The following BPIFC variants were observed in gnomAD, a reference collection of about 807,000 sequenced individuals.
BPIFC encodes BPI fold-containing family C protein.
In BPIFC, 60 loss-of-function variants were observed where a neutral mutation model predicts 57.6. The ratio of observed to expected loss-of-function variants is 1.04; its 90% CI spans 0.85 to 1.29. The LOEUF (loss-of-function observed/expected upper bound fraction) is 1.29. Among genes scored for constraint, BPIFC ranks in the 50% most tolerant of loss-of-function variants. The probability of loss-of-function intolerance (pLI) is 0.00; values close to 1 mark genes in which losing one functional copy is unlikely to be tolerated. For synonymous variants in BPIFC, 243 were observed against 224.5 expected, an observed-to-expected ratio of 1.08 and a Z score of -0.74; for missense variants, 581 against 600.5, an observed-to-expected ratio of 0.97 and a Z score of 0.34.
intron 11 of BPIFC, among the ~76,000 whole-genome samples, chr22:32,433,474 T>C (rs908709906): frequency 6.6e-6 from 1 of 152,238 alleles, no homozygotes; most frequent in Non-Finnish European, 1.5e-5. Flanking sequence ...TCAAGTATGA[T>C]GGAATATTGT....
At chr22:32,448,074 C>CTT (rs752136687) in intron 4 of BPIFC, among the ~76,000 whole-genome samples, 6 of 143,034 alleles carry the variant, frequency 4.2e-5, no homozygotes, top group South Asian at 4.4e-4. Flanking sequence ...TTTCTTTTTT[C>CTT]TTTTTTTTTT....
intron 4 of BPIFC, among the ~76,000 whole-genome samples, chr22:32,447,855 T>C (rs1439382669): frequency 6.6e-6 from 1 of 152,062 alleles, no homozygotes; most frequent in Non-Finnish European, 1.5e-5. Flanking sequence ...GCAAGCCTCC[T>C]GTTTCAGCCT....
At chr22:32,421,067 A>G (rs529523038) in intron 13 of BPIFC, among the ~76,000 whole-genome samples, 104 of 152,272 alleles carry the variant, frequency 6.8e-4, no homozygotes, top group African/African-American at 2.5e-3. Context: ...TGTAGGTCCA[A>G]GTAGAAGGGA....
chr22:32,437,681 G>C, intron 9 of BPIFC, 79 bp downstream of exon 9: 1 of 1,064,900 alleles, frequency 9.4e-7, no homozygotes, highest in South Asian at 1.3e-5. Flanking sequence ...GTGAGGCACC[G>C]TGCCCAGTCC....
At position 32,461,614 on chromosome 22, in the gene BPIFC, G is replaced by C; in HGVS notation, c.-41C>G. On this transcript the variant is annotated 5_prime_UTR_variant, in exon 2 of 17. Transcript: ENST00000300399. ...GATCCAGCTGATCTTCTGCTGTGCT[G>C]GGCCTTTCTTGATCCTTTAGTTGCC... 8 of 985,556 alleles carry C rather than the reference G, an allele frequency of 8.1e-6. No homozygotes were observed. Among genetic ancestry groups the C allele is most frequent in the Non-Finnish European group, 9.6e-6 (8 of 830,046 alleles). The allele number at this position is 985,556 out of a possible 1,614,324, so 61.1% of individuals were successfully genotyped here. A position where few individuals can be genotyped will look rare whatever the true frequency, so the allele number is the denominator to read the frequency against.
At chr22:32,432,026 T>C (rs1023115484) in intron 12 of BPIFC, among the ~76,000 whole-genome samples, 1 of 151,946 alleles carries the variant, frequency 6.6e-6, no homozygotes, top group African/African-American at 2.4e-5. Context: ...CTCAAACTCC[T>C]GGGTTCAGAG....
At chr22:32,418,200 T>C (rs1169117482) in intron 14 of BPIFC, among the ~76,000 whole-genome samples, 1 of 152,236 alleles carries the variant, frequency 6.6e-6, no homozygotes, top group Non-Finnish European at 1.5e-5. Context: ...GCTAATCCTT[T>C]CAACAACCCC....
intron 8 of BPIFC, among the ~76,000 whole-genome samples, chr22:32,442,017 A>C (rs1934579475): frequency 1.3e-5 from 2 of 152,236 alleles, no homozygotes; most frequent in African/African-American, 4.8e-5. Flanking sequence ...AGTAATGCTC[A>C]GTCGCCTGCC....
At chr22:32,454,210 A>ATGTC (rs1230951812) in intron 3 of BPIFC, among the ~76,000 whole-genome samples, 1 of 152,184 alleles carries the variant, frequency 6.6e-6, no homozygotes, top group African/African-American at 2.4e-5. Context: ...TGCTATGGAC[A>ATGTC]GTTCCAGAAG....
Position 32,435,854 on chromosome 22 carries a change from G to A in BPIFC, c.774C>T (p.Leu258=). 1 of 1,614,112 alleles carries A rather than the reference G, an allele frequency of 6.2e-7. No individual in the cohort carries two copies. The highest frequency in any genetic ancestry group is 8.5e-7 in the Non-Finnish European group (1 of 1,180,016). ...LKGVFYPLEN[L]TDPPFSPVPF... ...GAACTGGTGAGAAGGGGGGGTCGGTGAGGTTTTCCAGTGGGTAGAATACAC... is the reference window on the plus strand; with the variant it reads ...GAACTGGTGAGAAGGGGGGGTCGGTAAGGTTTTCCAGTGGGTAGAATACAC... Residue 258 remains leucine, a synonymous_variant, in exon 10 of 17, where the codon CTC becomes CTT. Coordinates refer to ENST00000300399, the MANE Select transcript of BPIFC (RefSeq NM_174932.3).
At chr22:32,446,051 T>A in intron 5 of BPIFC, 55 bp from the exon 6 acceptor site, 1 of 1,587,020 alleles carries the variant, frequency 6.3e-7, no homozygotes, top group Non-Finnish European at 8.6e-7. Flanking sequence ...GAGATGGATC[T>A]TGTTTCTCTG....
intron 7 of BPIFC, 34 bp from the exon 8 acceptor site, chr22:32,442,765 T>A: frequency 6.3e-7 from 1 of 1,598,628 alleles, no homozygotes; most frequent in Non-Finnish European, 8.6e-7. Context: ...AAAAAGCAAG[T>A]TACCATGTTG....
intron 1 of BPIFC, among the ~76,000 whole-genome samples, chr22:32,462,114 G>T (rs1420312813): frequency 7.6e-6 from 1 of 131,570 alleles, no homozygotes; most frequent in African/African-American, 2.8e-5. Flanking sequence ...AGGTTGCAGT[G>T]AGCCAAGATT....
In BPIFC at chr22:32,461,660, T is replaced by A. The variant is rs573169443; in HGVS notation, c.-87A>T. Reference sequence around the variant, plus strand: ...TTGCCCTTGGAGGTTAGTCAAGGTGTCCTGGAAAGGGGGATAAGTAGAGAT... The same window carrying A: ...TTGCCCTTGGAGGTTAGTCAAGGTGACCTGGAAAGGGGGATAAGTAGAGAT... On this transcript the variant is annotated splice_region_variant and 5_prime_UTR_variant, in exon 2 of 17. Transcript: ENST00000300399. 1 of 985,388 alleles carries A rather than the reference T, an allele frequency of 1.0e-6. No homozygotes were observed. Among genetic ancestry groups the A allele is most frequent in the African/African-American group, 1.7e-5 (1 of 57,326 alleles). The allele number at this position is 985,388 out of a possible 1,614,324, so 61.0% of individuals were successfully genotyped here. A position where few individuals can be genotyped will look rare whatever the true frequency, so the allele number is the denominator to read the frequency against.
intron 13 of BPIFC, among the ~76,000 whole-genome samples, chr22:32,425,152 T>G (rs2076048): frequency 0.6 from 91,026 of 151,996 alleles, 28,597 homozygotes; most frequent in African/African-American, 0.82. Flanking sequence ...AAATACTCAC[T>G]GCTTTGAAAG....
At chr22:32,444,599 C>T (rs1270363030) in intron 7 of BPIFC, among the ~76,000 whole-genome samples, 1 of 152,210 alleles carries the variant, frequency 6.6e-6, no homozygotes, top group Non-Finnish European at 1.5e-5. Context: ...ACAATTCCAT[C>T]TTTCCCTTCT....
At position 32,432,489 on chromosome 22, in the gene BPIFC, C is replaced by T. The variant is rs1180088037; in HGVS notation, c.1033G>A (p.Glu345Lys). ...QPFMVRIMAT[E>K]PPIINLQPGN... is the part of the protein sequence containing the mutation. Reference sequence around the variant, plus strand: ...GGTTGTAGATTGATTATGGGAGGCTCTGTGGCCATGATCCTCACCATGAAG... The same window carrying T: ...GGTTGTAGATTGATTATGGGAGGCTTTGTGGCCATGATCCTCACCATGAAG... Residue 345 changes from glutamate (E) to lysine (K), a missense_variant, in exon 12 of 17, where the codon GAG (glutamate) becomes AAG (lysine). Coordinates refer to ENST00000300399, the MANE Select transcript of BPIFC (RefSeq NM_174932.3). 1 of 1,614,122 alleles carries T rather than the reference C, an allele frequency of 6.2e-7. No individual in the cohort carries two copies. The highest frequency in any genetic ancestry group is 8.5e-7 in the Non-Finnish European group (1 of 1,180,018).
In BPIFC at chr22:32,435,701, C is replaced by T. The variant is rs1381824129; in HGVS notation, c.924+3G>A. The T allele has an allele frequency of 6.2e-7, 1 of 1,612,832 alleles. No individual in the cohort carries two copies. Among genetic ancestry groups the T allele is most frequent in the Non-Finnish European group, 8.5e-7 (1 of 1,179,404 alleles). On this transcript the variant is annotated splice_donor_region_variant and intron_variant, in intron 10 of 16. Coordinates refer to ENST00000300399, the MANE Select transcript of BPIFC (RefSeq NM_174932.3). The stretch of plus-strand genomic sequence containing the variant: ...ATTGACATCCTCAGTTAACTCTCCT[C>T]ACCTCTTCGGTGGAGAGAGTGACAT...
chr22:32,419,092 T>C (rs906830570), intron 14 of BPIFC, among the ~76,000 whole-genome samples: 16 of 152,098 alleles, frequency 1.1e-4, no homozygotes, highest in African/African-American at 3.9e-4. Context: ...AGAATGCCTG[T>C]TTTTCTAGCA....
Sources: gnomAD v4.1 joint callset for allele counts (sites outside exome capture counted in the v4.1 genomes callset) on GRCh38, gnomAD v4.1.1 for gene constraint, MANE v1.5 for transcripts, NCBI Gene and HGNC (gene_info 2026-07-23, HGNC 2026-07-21) for gene names.